PALM: variants seen among roughly 807,000 people sequenced by gnomAD.
PALM encodes paralemmin.
In PALM, 18 loss-of-function variants were observed where a neutral mutation model predicts 30.7. That is an observed-to-expected ratio of 0.59 (90% CI 0.41 to 0.87). The LOEUF is 0.87. Ranked by LOEUF, PALM falls within the 40% of genes least tolerant of loss-of-function variation. The pLI, the probability that PALM is intolerant of heterozygous loss-of-function variation, is 0.00. For missense variants in PALM, 529 were observed against 555.4 expected (o/e 0.95, Z 0.48); for synonymous variants, 286 against 242.8 (o/e 1.18, Z -1.66).
At chr19:736,149 C>CGGGGGGGCG in intron 7 of PALM, 71 bp downstream of exon 7, 10 of 494,692 alleles carry the variant, frequency 2.0e-5, no homozygotes, top group East Asian at 5.5e-5. Flanking sequence ...TCCGGGGGGC[C>CGGGGGGGCG]GGGTGGGGCG....
chr19:713,837 T>C (rs897457439), intron 1 of PALM, among the ~76,000 whole-genome samples: 3 of 151,910 alleles, frequency 2.0e-5, no homozygotes, highest in African/African-American at 7.3e-5. Context: ...CTGCCTCAGC[T>C]TCCCAAAGTG....
At chr19:715,266 C>G (rs746393778) in intron 1 of PALM, among the ~76,000 whole-genome samples, 1 of 151,658 alleles carries the variant, frequency 6.6e-6, no homozygotes, top group Admixed American at 6.6e-5. Flanking sequence ...AGCGAGACTC[C>G]GTCTCAAAAA....
At chr19:735,856 G>A (rs938941366) in intron 6 of PALM, among the ~76,000 whole-genome samples, 163 bp from the exon 7 acceptor site, 1 of 151,554 alleles carries the variant, frequency 6.6e-6, no homozygotes, top group African/African-American at 2.4e-5. Flanking sequence ...CTGGGTGTCT[G>A]GGGGCCCAGG....
At chr19:728,389 G>A (rs2032761875) in intron 4 of PALM, among the ~76,000 whole-genome samples, 2 of 152,246 alleles carry the variant, frequency 1.3e-5, no homozygotes, top group Non-Finnish European at 2.9e-5. Flanking sequence ...GGACCTCGCA[G>A]GCCCTTCCCA....
rs1034705472 is a variant in PALM, at chr19:747,147, C to T, written c.*333C>T. The T allele has an allele frequency of 1.2e-4, 34 of 288,518 alleles. 1 individual carries two copies. The highest frequency in any genetic ancestry group is 7.5e-4 in the Admixed American group (15 of 20,070). 17.9% of individuals were successfully genotyped at this position (288,518 alleles called of 1,614,324 possible). A position where few individuals can be genotyped will look rare whatever the true frequency, so the allele number is the denominator to read the frequency against. On this transcript the variant is annotated 3_prime_UTR_variant, in exon 9 of 9. Coordinates refer to ENST00000338448, the MANE Select transcript of PALM (RefSeq NM_002579.3). ...CACCGGGGTCCTGGCGGGTGGGACCCGCAGCCTCCACGCGGCCCAGGCCAG... is the reference window on the plus strand; with the variant it reads ...CACCGGGGTCCTGGCGGGTGGGACCTGCAGCCTCCACGCGGCCCAGGCCAG...
At chr19:713,424 T>C (rs74364689) in intron 1 of PALM, among the ~76,000 whole-genome samples, 2,786 of 152,232 alleles carry the variant, frequency 0.018, 95 homozygotes, top group African/African-American at 0.062. Flanking sequence ...GGGATGTGAC[T>C]GCCATCATTA....
chr19:727,167 G>C (rs559278070), intron 3 of PALM, 79 bp downstream of exon 3: 1 of 931,738 alleles, frequency 1.1e-6, no homozygotes, highest in African/African-American at 1.6e-5. Flanking sequence ...GCCCAACCCT[G>C]ACCCTGACCC....
chr19:719,337 C>G (rs1381684612), intron 1 of PALM: 1 of 985,410 alleles, frequency 1.0e-6, no homozygotes, highest in Non-Finnish European at 1.2e-6. Flanking sequence ...GGGTTTGGGC[C>G]TCATGAACTC....
intron 8 of PALM, among the ~76,000 whole-genome samples, chr19:743,928 T>C (rs2033261131): frequency 6.6e-6 from 1 of 152,092 alleles, no homozygotes; most frequent in African/African-American, 2.4e-5. Context: ...CACAGAACAT[T>C]GTCAGAAAGT....
chr19:722,733 G>A (rs2032532118), intron 1 of PALM: 1 of 152,290 alleles, frequency 6.6e-6, no homozygotes, highest in Admixed American at 6.5e-5. Flanking sequence ...GGCTGACCGA[G>A]AACTCCAGCT....
intron 1 of PALM, among the ~76,000 whole-genome samples, chr19:720,527 G>A (rs183533027): frequency 0.029 from 4,141 of 142,144 alleles, 277 homozygotes; most frequent in African/African-American, 0.1. Context: ...CCGGGTCTGG[G>A]GAGGGGCGAG....
rs1289647960 is a variant in PALM at position 747,003 on chromosome 19, C to T, written c.*189C>T. 1.0e-5 allele frequency: 6 copies of T among 592,414 alleles called. No homozygotes were observed. In the East Asian group the frequency reaches 1.1e-4, roughly 11 times the overall value. The allele number at this position is 592,414 out of a possible 1,614,324, so 36.7% of individuals were successfully genotyped here. A position where few individuals can be genotyped will look rare whatever the true frequency, so the allele number is the denominator to read the frequency against. ...GCCCCCACCCGTCACCACGCCCCAA[C>T]ACTCCCCCCGAACCAGAGCCGTGCA... On this transcript the variant is annotated 3_prime_UTR_variant, in exon 9 of 9. Coordinates refer to ENST00000338448, the MANE Select transcript of PALM (RefSeq NM_002579.3).
chr19:726,956 G>T (rs1166295459), intron 2 of PALM, 52 bp from the exon 3 acceptor site: 6 of 1,100,546 alleles, frequency 5.5e-6, no homozygotes, highest in Non-Finnish European at 8.0e-6. Context: ...GGGGTGGGGG[G>T]GTCTCCGGGA....
chr19:718,845 T>A (rs750246921), intron 1 of PALM, among the ~76,000 whole-genome samples: 4 of 151,918 alleles, frequency 2.6e-5, no homozygotes, highest in Non-Finnish European at 2.9e-5. Context: ...ACATTGGGGC[T>A]TGGACTCCGG....
intron 6 of PALM, 49 bp downstream of exon 6, chr19:734,243 CA>C: frequency 6.3e-7 from 1 of 1,585,106 alleles, no homozygotes. Context: ...CTCTGGTGGC[CA>C]GAGAGGGGAT....
rs1035363041 is a variant in PALM, at chr19:742,662, T to G, written c.634+2179T>G. Among the ~76,000 whole-genome samples the G allele has an allele frequency of 6.6e-6, 1 of 151,456 alleles. No homozygotes were observed. Among genetic ancestry groups the G allele is most frequent in the Non-Finnish European group, 1.5e-5 (1 of 67,928 alleles). On this transcript the variant is annotated intron_variant, in intron 8 of 8. Transcript: ENST00000338448. This position sits in a 1 kb window ranked among gnomAD's most constrained non-coding sequence, Gnocchi z 5.5. ...ATGGGGTCACACACTGCACGTGGCC[T>G]TCTGTGTCTGGCGTCTCTCACTGGG...
At chr19:734,857 C>T (rs1421471692) in intron 6 of PALM, 3 of 160,356 alleles carry the variant, frequency 1.9e-5, no homozygotes, top group East Asian at 1.9e-4. Flanking sequence ...GGAACGTGTC[C>T]GCTTCTGTAT....
chr19:712,208 C>T (rs375369930), intron 1 of PALM, among the ~76,000 whole-genome samples: 1 of 147,670 alleles, frequency 6.8e-6, no homozygotes, highest in Non-Finnish European at 1.5e-5. Flanking sequence ...TTTTTAGTAG[C>T]GACAGGGTTT....
At chr19:730,894 G>A (rs896529928) in intron 4 of PALM, among the ~76,000 whole-genome samples, 3 of 152,056 alleles carry the variant, frequency 2.0e-5, no homozygotes, top group East Asian at 1.9e-4. Context: ...CCAGCTACTC[G>A]AGACCCTGAG....
Sources: allele counts gnomAD v4.1 joint callset (sites outside exome capture counted in the v4.1 genomes callset), GRCh38; gene constraint gnomAD v4.1.1; non-coding constraint Gnocchi (gnomAD v3.1); transcripts MANE v1.5; gene names NCBI Gene and HGNC (gene_info 2026-07-23, HGNC 2026-07-21).